The following PAXIP1 variants were observed in gnomAD, a reference collection of about 807,000 sequenced individuals.
PAXIP1 encodes PAX-interacting protein 1.
Under a neutral mutation model 140.6 loss-of-function variants are expected in PAXIP1, and 19 were observed. That is an observed-to-expected ratio of 0.14 (90% CI 0.09 to 0.20). The LOEUF (loss-of-function observed/expected upper bound fraction) is 0.20. Ranked by LOEUF, PAXIP1 falls within the 10% of genes least tolerant of loss-of-function variation. The probability of loss-of-function intolerance (pLI) is 1.00; values close to 1 mark genes in which losing one functional copy is unlikely to be tolerated. For synonymous variants in PAXIP1, 442 were observed against 444.6 expected (o/e 0.99, Z 0.07); for missense variants, 920 against 1,208.6 (o/e 0.76, Z 3.54).
intron 1 of PAXIP1, 62 bp downstream of exon 1, chr7:155,002,787 G>GGGACGGGGACGGGGAC (rs1554514585): frequency 1.0e-6 from 1 of 963,646 alleles, no homozygotes; most frequent in African/African-American, 1.8e-5. Flanking sequence ...GACGGGGACG[G>GGGACGGGGACGGGGAC]GGACGGGGAC....
intron 2 of PAXIP1, among the ~76,000 whole-genome samples, chr7:154,996,598 C>T (rs553891998): frequency 7.2e-5 from 11 of 152,308 alleles, no homozygotes; most frequent in African/African-American, 2.2e-4. Context: ...CTCACAGCGG[C>T]GACCCCACTT....
At chr7:154,980,559 C>T (rs192982459) in intron 5 of PAXIP1, among the ~76,000 whole-genome samples, 257 of 151,944 alleles carry the variant, frequency 1.7e-3, no homozygotes, top group Non-Finnish European at 3.2e-3. Context: ...GGACCACAGG[C>T]GTGAGTCACC....
Position 154,962,211 on chromosome 7 carries a change from A to C in PAXIP1, c.2127+110T>G, listed in dbSNP as rs1028964621. The C allele has an allele frequency of 3.5e-6, 4 of 1,137,658 alleles. No individual in the cohort carries two copies. The Admixed American group carries it at 6.4e-5, about 18-fold the overall frequency. 70.5% of individuals were successfully genotyped at this position (1,137,658 alleles called of 1,614,324 possible). On this transcript the variant is annotated intron_variant, in intron 10 of 20. Coordinates refer to ENST00000404141, the MANE Select transcript of PAXIP1 (RefSeq NM_007349.4). Reference sequence around the variant, plus strand: ...ATGAACTGGGCAAAAGTACATAGAGAAGCTCTGACTCAGAAGCCAACGCAG... The same window carrying C: ...ATGAACTGGGCAAAAGTACATAGAGCAGCTCTGACTCAGAAGCCAACGCAG...
intron 1 of PAXIP1, chr7:155,000,849 T>C (rs1810855537): frequency 6.6e-6 from 1 of 152,240 alleles, no homozygotes; most frequent in Non-Finnish European, 1.5e-5. Flanking sequence ...TATTCCTTCA[T>C]GTTCTTAACT....
At position 154,954,559 on chromosome 7, in the gene PAXIP1, G is replaced by T; in HGVS notation, c.2653-136C>A. ...AATTCTCAGCCACAGAAAACAGTGTGACAGGTAAAACAAAACCTGTAACTA... is the reference window on the plus strand; with the variant it reads ...AATTCTCAGCCACAGAAAACAGTGTTACAGGTAAAACAAAACCTGTAACTA... On this transcript the variant is annotated intron_variant, in intron 15 of 20. Transcript: ENST00000404141. The surrounding 1 kb of genome is among the most constrained non-coding windows in gnomAD (Gnocchi z 5.1). The T allele has an allele frequency of 2.0e-6, 1 of 502,118 alleles. No homozygotes were observed. Among genetic ancestry groups the T allele is most frequent in the Non-Finnish European group, 3.2e-6 (1 of 309,906 alleles). The allele number at this position is 502,118 out of a possible 1,614,324, so 31.1% of individuals were successfully genotyped here.
At chr7:155,003,363 C>T (rs947094543), upstream of PAXIP1, 2 of 151,830 alleles carry the variant, frequency 1.3e-5, no homozygotes, top group African/African-American at 2.4e-5. Context: ...CGGAGTGAGC[C>T]GGTCCCGGGG....
At chr7:155,002,377 G>T (rs906654673) in intron 1 of PAXIP1, among the ~76,000 whole-genome samples, 11 of 152,114 alleles carry the variant, frequency 7.2e-5, no homozygotes, top group Non-Finnish European at 1.3e-4. Context: ...GCACGGCCAC[G>T]ACCCCCGCCG....
At chr7:154,978,300 C>T (rs1308799723) in intron 5 of PAXIP1, among the ~76,000 whole-genome samples, 1 of 152,138 alleles carries the variant, frequency 6.6e-6, no homozygotes, top group Non-Finnish European at 1.5e-5. Context: ...TGAAAAACTG[C>T]AGTTATATTT....
intron 3 of PAXIP1, 73 bp downstream of exon 3, chr7:154,993,653 T>A (rs930151038): frequency 1.3e-4 from 145 of 1,126,640 alleles, no homozygotes; most frequent in Non-Finnish European, 1.8e-4. Context: ...TTTCACTCCA[T>A]TAACTATCAT....
In PAXIP1 at chr7:154,968,417, T is replaced by C; in HGVS notation, c.1784A>G (p.Asp595Gly). The change falls in exon 7 of 21, where the codon GAT becomes GGT. Residue 595 changes from aspartate to glycine, a missense_variant. By Grantham distance (94) the Asp-to-Gly change is moderately conservative (BLOSUM62 -1). Coordinates refer to ENST00000404141, the MANE Select transcript of PAXIP1 (RefSeq NM_007349.4). ...CCATTACTAACTCTCCACTGCTGGATCATGTCCAAAAAGCTGATGCTGCTG... is the reference window on the plus strand; with the variant it reads ...CCATTACTAACTCTCCACTGCTGGACCATGTCCAAAAAGCTGATGCTGCTG... The part of the protein sequence containing the change: ...SPQQHQLFGH[D>G]PAVEIPEEGF... 6.5e-7 allele frequency: 1 copy of C among 1,548,446 alleles called. No homozygotes were observed. Among genetic ancestry groups the C allele is most frequent in the Non-Finnish European group, 8.7e-7 (1 of 1,144,488 alleles).
At chr7:154,965,723 A>T (rs1181258455) in intron 8 of PAXIP1, 5 of 152,256 alleles carry the variant, frequency 3.3e-5, no homozygotes, top group Non-Finnish European at 4.4e-5. Flanking sequence ...AGAATATGGT[A>T]ATACATATAC....
chr7:155,002,806 ACG>A, intron 1 of PAXIP1, 41 bp downstream of exon 1: 2 of 1,155,954 alleles, frequency 1.7e-6, no homozygotes, highest in African/African-American at 3.2e-5. Flanking sequence ...ACGGACGGGG[ACG>A]CGGACGGGGG....
chr7:154,959,229 T>G (rs1302901510), intron 13 of PAXIP1, among the ~76,000 whole-genome samples: 4 of 152,204 alleles, frequency 2.6e-5, no homozygotes, highest in Admixed American at 2.0e-4. Flanking sequence ...GGTGGGCACA[T>G]GACATGGAAA....
rs763961229 is a variant in PAXIP1, at chr7:154,986,089, C to T, written c.325-2757G>A. 1 of 1,364,388 alleles carries T rather than the reference C, an allele frequency of 7.3e-7. No individual in the cohort carries two copies. Among genetic ancestry groups the T allele is most frequent in the Admixed American group, 1.9e-5 (1 of 52,326 alleles). The allele number at this position is 1,364,388 out of a possible 1,614,324, so 84.5% of individuals were successfully genotyped here. On this transcript the variant is annotated intron_variant, in intron 4 of 20. Transcript: ENST00000404141. The surrounding 1 kb of genome is among the most constrained non-coding windows in gnomAD (Gnocchi z 4.8). ...AAGAAGGCAGATGATCTCTGTGCTT[C>T]CCAACTTCTGCTGGACAAGCTCCCT...
chr7:154,975,581 C>A, intron 6 of PAXIP1, 115 bp downstream of exon 6: 1 of 665,666 alleles, frequency 1.5e-6, no homozygotes, highest in South Asian at 1.9e-5. Context: ...CACACAAATA[C>A]TGCTTGTAAG....
rs755355472 is a variant in PAXIP1, at chr7:154,944,048, C to G, written c.*101G>C. The G allele has an allele frequency of 9.2e-7, 1 of 1,092,378 alleles. No individual in the cohort carries two copies. The highest frequency in any genetic ancestry group is 1.4e-6 in the Non-Finnish European group (1 of 718,642). 67.7% of individuals were successfully genotyped at this position (1,092,378 alleles called of 1,614,324 possible). On this transcript the variant is annotated 3_prime_UTR_variant, in exon 21 of 21. Transcript: ENST00000404141. ...ACAGTCTGATCCCCCAGGAAAGCAGCTGGAAAACAAGAGCATGTGAAGGAA... is the reference window on the plus strand; with the variant it reads ...ACAGTCTGATCCCCCAGGAAAGCAGGTGGAAAACAAGAGCATGTGAAGGAA...
At chr7:154,970,798 G>A (rs1809273088) in intron 6 of PAXIP1, among the ~76,000 whole-genome samples, 1 of 152,218 alleles carries the variant, frequency 6.6e-6, no homozygotes, top group Admixed American at 6.5e-5. Flanking sequence ...GCAGCGAGGG[G>A]TGGGAGGGGG....
chr7:154,964,460 A>G (rs970142165), intron 8 of PAXIP1: 4 of 152,120 alleles, frequency 2.6e-5, no homozygotes, highest in Admixed American at 6.6e-5. Context: ...TTCACTTACT[A>G]CTTTTAAGAT....
At position 154,973,706 on chromosome 7, in the gene PAXIP1, T is replaced by A. The variant is rs1307633872; in HGVS notation, c.1074+1990A>T. Among the ~76,000 whole-genome samples the A allele has an allele frequency of 6.6e-6, 1 of 152,190 alleles. No individual in the cohort carries two copies. The highest frequency in any genetic ancestry group is 1.5e-5 in the Non-Finnish European group (1 of 68,028). ...AACACTACGTAAACCACTGCTATTATCATACCCAATAAAATGATCATTGTC... is the reference window on the plus strand; with the variant it reads ...AACACTACGTAAACCACTGCTATTAACATACCCAATAAAATGATCATTGTC... On this transcript the variant is annotated intron_variant, in intron 6 of 20. Coordinates refer to ENST00000404141, the MANE Select transcript of PAXIP1 (RefSeq NM_007349.4). This position sits in a 1 kb window ranked among gnomAD's most constrained non-coding sequence, Gnocchi z 4.0.
Sources: allele counts gnomAD v4.1 joint callset (sites outside exome capture counted in the v4.1 genomes callset), GRCh38; gene constraint gnomAD v4.1.1; non-coding constraint Gnocchi (gnomAD v3.1); transcripts MANE v1.5; gene names NCBI Gene and HGNC (gene_info 2026-07-23, HGNC 2026-07-21).